SNX10: variants seen among roughly 807,000 people sequenced by gnomAD.
The protein encoded by SNX10 is sorting nexin 10, also known as sorting nexin-10.
In SNX10, 25 loss-of-function variants were observed where a neutral mutation model predicts 28.5. The ratio of observed to expected loss-of-function variants is 0.88; its 90% CI spans 0.64 to 1.22. The LOEUF is 1.22. Among genes scored for constraint, SNX10 ranks in the 50% most tolerant of loss-of-function variants. The pLI is 0.00. For missense variants in SNX10, 223 were observed against 242.6 expected (o/e 0.92, Z 0.54); for synonymous variants, 62 against 81.4 (o/e 0.76, Z 1.28).
At chr7:26,347,104 C>T (rs376835994) in intron 2 of SNX10, among the ~76,000 whole-genome samples, 1 of 148,332 alleles carries the variant, frequency 6.7e-6, no homozygotes, top group Non-Finnish European at 1.5e-5. Flanking sequence ...AGGGGCCTGT[C>T]TAGGGAGTGT....
intron 1 of SNX10, among the ~76,000 whole-genome samples, chr7:26,341,979 T>TC (rs1491245953): frequency 1.1e-4 from 10 of 88,332 alleles, no homozygotes; most frequent in East Asian, 6.3e-4. Flanking sequence ...GTTTCTCTTC[T>TC]TTCTCTCTCT....
chr7:26,343,688 C>A (rs1788265971), intron 1 of SNX10, among the ~76,000 whole-genome samples: 2 of 152,152 alleles, frequency 1.3e-5, no homozygotes. Flanking sequence ...CCGTGTGGAG[C>A]ACGTGATGTG....
At chr7:26,321,362 C>T (rs1787301045) in intron 1 of SNX10, among the ~76,000 whole-genome samples, 1 of 152,156 alleles carries the variant, frequency 6.6e-6, no homozygotes, top group South Asian at 2.1e-4. Flanking sequence ...TAAGTCTGCT[C>T]CTGGAATAAA....
At chr7:26,304,706 G>A (rs1055855228) in intron 1 of SNX10, among the ~76,000 whole-genome samples, 5 of 152,238 alleles carry the variant, frequency 3.3e-5, no homozygotes, top group Non-Finnish European at 7.3e-5. Flanking sequence ...TATAAGGCCT[G>A]TGAACACAAA....
chr7:26,318,287 C>T (rs894608599), intron 1 of SNX10, among the ~76,000 whole-genome samples: 4 of 152,096 alleles, frequency 2.6e-5, no homozygotes, highest in African/African-American at 4.8e-5. Flanking sequence ...GATCCTTGTG[C>T]ATCCTTTGAG....
intron 1 of SNX10, among the ~76,000 whole-genome samples, chr7:26,335,967 G>A (rs938859602): frequency 2.6e-5 from 4 of 151,538 alleles, no homozygotes; most frequent in Admixed American, 1.3e-4. Flanking sequence ...TCCTGACCTC[G>A]TGATCCGCCC....
chr7:26,296,472 C>G (rs1226475208), intron 1 of SNX10, among the ~76,000 whole-genome samples: 2 of 152,128 alleles, frequency 1.3e-5, no homozygotes, highest in Non-Finnish European at 2.9e-5. Context: ...GCCATGATCT[C>G]ACCACTATAC....
intron 1 of SNX10, among the ~76,000 whole-genome samples, chr7:26,337,549 G>T (rs905846146): frequency 3.9e-5 from 6 of 152,152 alleles, no homozygotes; most frequent in African/African-American, 7.2e-5. Flanking sequence ...CATGTAAGTG[G>T]AATAATAAAG....
rs74478664 is a variant in SNX10, at chr7:26,312,810, A to G, written c.-24+20724A>G. On this transcript the variant is annotated intron_variant, in intron 1 of 6. Coordinates refer to ENST00000338523, the MANE Select transcript of SNX10 (RefSeq NM_013322.3). ...AAAAAAAGAAAATAGTGGCACCTAA[A>G]CACATGAAAAATGCTTGCTCTTATG... 6.6e-4 allele frequency among the ~76,000 whole-genome samples: 101 copies of G among 152,306 alleles called. 3 individuals are homozygous for G. In the East Asian group the frequency reaches 0.019, roughly 28 times the overall value.
chr7:26,339,544 T>C (rs28871049), intron 1 of SNX10, among the ~76,000 whole-genome samples: 50 of 9,856 alleles, frequency 5.1e-3, no homozygotes, highest in Non-Finnish European at 6.4e-3. Context: ...TTTTTTTTTC[T>C]TTTTTTTTTG....
At position 26,340,029 on chromosome 7, in the gene SNX10, AC is replaced by A. The variant is rs1788120810; in HGVS notation, c.-23-6389del. ...GTTTTTTTTTTAAATAATGATATAA[AC>A]CATACTTGTTATTCCTTATTTCATC... is the stretch of plus-strand genomic sequence containing the variant. On this transcript the variant is annotated intron_variant, in intron 1 of 6. Coordinates refer to ENST00000338523, the MANE Select transcript of SNX10 (RefSeq NM_013322.3). Among the ~76,000 whole-genome samples, 3 of 152,108 alleles carry A rather than the reference AC, an allele frequency of 2.0e-5. No individual in the cohort carries two copies. In the South Asian group the frequency reaches 6.2e-4, roughly 32 times the overall value.
chr7:26,295,253 G>C (rs1786065698), intron 1 of SNX10, among the ~76,000 whole-genome samples: 1 of 151,900 alleles, frequency 6.6e-6, no homozygotes, highest in South Asian at 2.1e-4. Context: ...GTAGAGATGG[G>C]GTTTTGCCAT....
chr7:26,324,270 A>C (rs1787413326), intron 1 of SNX10, among the ~76,000 whole-genome samples: 1 of 71,290 alleles, frequency 1.4e-5, no homozygotes, highest in Non-Finnish European at 5.0e-5. Flanking sequence ...TGTGTGTGAG[A>C]AAAAAACCGT....
At chr7:26,309,664 C>T (rs1786744210) in intron 1 of SNX10, among the ~76,000 whole-genome samples, 3 of 152,060 alleles carry the variant, frequency 2.0e-5, no homozygotes, top group South Asian at 2.1e-4. Context: ...GCATTTGAGC[C>T]GTTAGTAACT....
At chr7:26,330,900 G>A (rs756540645) in intron 1 of SNX10, among the ~76,000 whole-genome samples, 21 of 151,980 alleles carry the variant, frequency 1.4e-4, no homozygotes, top group East Asian at 1.9e-4. Context: ...CTATAATCCC[G>A]ATACTTTGGT....
At chr7:26,310,391 C>G (rs1305290827) in intron 1 of SNX10, among the ~76,000 whole-genome samples, 1 of 151,988 alleles carries the variant, frequency 6.6e-6, no homozygotes, top group Non-Finnish European at 1.5e-5. Flanking sequence ...AGGTCCCTGC[C>G]CTCAAGGGAC....
At chr7:26,348,750 C>T (rs1340330758) in intron 2 of SNX10, among the ~76,000 whole-genome samples, 5 of 152,204 alleles carry the variant, frequency 3.3e-5, no homozygotes, top group Non-Finnish European at 7.4e-5. Context: ...TCCTGTGCCC[C>T]ACCTACCACT....
At chr7:26,316,055 G>A (rs1451539223) in intron 1 of SNX10, among the ~76,000 whole-genome samples, 1 of 151,676 alleles carries the variant, frequency 6.6e-6, no homozygotes, top group African/African-American at 2.4e-5. Context: ...GTGGTGGCAG[G>A]CGCCTGTAGT....
chr7:26,367,881 C>T lies in SNX10; in HGVS notation c.311+2736C>T, dbSNP rs529239003. Among the ~76,000 whole-genome samples, 5 of 152,280 alleles carry T rather than the reference C, an allele frequency of 3.3e-5. No individual in the cohort carries two copies. The East Asian group carries it at 9.7e-4, about 29-fold the overall frequency. The stretch of plus-strand genomic sequence containing the variant: ...AAACATGCTTGTATTGTAGGTTTTT[C>T]GCATGCATTTTTAAAGCCTGGTTTT... On this transcript the variant is annotated intron_variant, in intron 5 of 6. Transcript: ENST00000338523.
Sources: allele counts gnomAD v4.1 joint callset (sites outside exome capture counted in the v4.1 genomes callset), GRCh38; gene constraint gnomAD v4.1.1; transcripts MANE v1.5; gene names NCBI Gene and HGNC (gene_info 2026-07-23, HGNC 2026-07-21).